MALRD1: variants seen among roughly 807,000 people sequenced by gnomAD.
The protein encoded by MALRD1 is MAM and LDL-receptor class A domain-containing protein 1.
Under a neutral mutation model 242.1 loss-of-function variants are expected in MALRD1, and 247 were observed. That is an observed-to-expected ratio of 1.02 (90% CI 0.92 to 1.13). The LOEUF is 1.13. Ranked by LOEUF, MALRD1 falls within the 50% of genes most tolerant of loss-of-function variation. MALRD1 has a pLI of 0.00. For synonymous variants in MALRD1, 995 were observed against 866.6 expected (o/e 1.15, Z -2.60); for missense variants, 2,989 against 2,533.1 (o/e 1.18, Z -3.86).
chr10:19,329,528 T>C (rs1185288032), intron 23 of MALRD1, among the ~76,000 whole-genome samples: 1 of 152,166 alleles, frequency 6.6e-6, no homozygotes, highest in African/African-American at 2.4e-5. Context: ...AAATATTTAC[T>C]CATTTTGCTT....
intron 33 of MALRD1, among the ~76,000 whole-genome samples, chr10:19,591,184 A>C (rs1454003222): frequency 6.6e-6 from 1 of 152,290 alleles, no homozygotes; most frequent in South Asian, 2.1e-4. Flanking sequence ...GGCTTCTTTC[A>C]CTTAGTAACC....
chr10:19,080,466 C>G (rs1835450853), intron 2 of MALRD1, among the ~76,000 whole-genome samples: 1 of 151,872 alleles, frequency 6.6e-6, no homozygotes, highest in Non-Finnish European at 1.5e-5. Flanking sequence ...TAAGACCCCA[C>G]ATCTACAACC....
At chr10:19,697,820 T>C (rs1185523730) in intron 38 of MALRD1, among the ~76,000 whole-genome samples, 1 of 152,150 alleles carries the variant, frequency 6.6e-6, no homozygotes, top group African/African-American at 2.4e-5. Flanking sequence ...CTACTCCTAT[T>C]TACCCTTTCC....
intron 13 of MALRD1, among the ~76,000 whole-genome samples, chr10:19,172,063 T>A (rs1340241929): frequency 1.2e-5 from 1 of 81,188 alleles, no homozygotes. Flanking sequence ...ATCACATATA[T>A]GTGATATATA....
intron 21 of MALRD1, among the ~76,000 whole-genome samples, chr10:19,298,222 A>G (rs554895940): frequency 6.6e-6 from 1 of 152,038 alleles, no homozygotes; most frequent in South Asian, 2.1e-4. Context: ...CTTGCTTCAT[A>G]ACGACCCACT....
At chr10:19,442,965 G>T (rs542101933) in intron 28 of MALRD1, among the ~76,000 whole-genome samples, 1 of 152,128 alleles carries the variant, frequency 6.6e-6, no homozygotes, top group East Asian at 1.9e-4. Flanking sequence ...TTTTTTGGTT[G>T]GTAAGCTATT....
intron 13 of MALRD1, among the ~76,000 whole-genome samples, chr10:19,167,130 C>T (rs546147326): frequency 7.9e-5 from 12 of 152,102 alleles, no homozygotes; most frequent in Admixed American, 1.3e-4. Flanking sequence ...GAGGCTGAGG[C>T]GGGTGGATCA....
intron 32 of MALRD1, among the ~76,000 whole-genome samples, chr10:19,542,620 A>G (rs893081338): frequency 6.6e-6 from 1 of 152,032 alleles, no homozygotes; most frequent in Non-Finnish European, 1.5e-5. Context: ...TGCCTCCACT[A>G]TCACATGTTA....
intron 5 of MALRD1, among the ~76,000 whole-genome samples, chr10:19,112,151 T>C (rs909864991): frequency 2.9e-5 from 1 of 34,036 alleles, no homozygotes; most frequent in Non-Finnish European, 5.9e-5. Flanking sequence ...ATTCTCAGGA[T>C]TTTTTTTTTT....
At chr10:19,292,168 T>C (rs1450437487) in intron 21 of MALRD1, among the ~76,000 whole-genome samples, 1 of 151,878 alleles carries the variant, frequency 6.6e-6, no homozygotes, top group Non-Finnish European at 1.5e-5. Flanking sequence ...AACTCTACCC[T>C]GAGTCAGTCT....
At chr10:19,220,470 G>T (rs558524375) in intron 18 of MALRD1, among the ~76,000 whole-genome samples, 1 of 152,182 alleles carries the variant, frequency 6.6e-6, no homozygotes, top group South Asian at 2.1e-4. Context: ...GAACGTCCAG[G>T]TATATAAAGA....
chr10:19,339,870 G>A (rs1466926787), intron 24 of MALRD1, among the ~76,000 whole-genome samples: 1 of 152,138 alleles, frequency 6.6e-6, no homozygotes. Flanking sequence ...CTGACTTACA[G>A]TTCCACATGG....
intron 19 of MALRD1, among the ~76,000 whole-genome samples, chr10:19,278,169 A>G (rs1310401879): frequency 6.6e-6 from 1 of 152,118 alleles, no homozygotes; most frequent in East Asian, 1.9e-4. Flanking sequence ...AGATATTATC[A>G]TGTTAAATTC....
intron 29 of MALRD1, among the ~76,000 whole-genome samples, chr10:19,469,259 C>T (rs1836376194): frequency 6.6e-6 from 1 of 152,014 alleles, no homozygotes; most frequent in Admixed American, 6.6e-5. Flanking sequence ...AGCATATTAC[C>T]TGTCTTTGGG....
intron 31 of MALRD1, among the ~76,000 whole-genome samples, chr10:19,519,819 A>G (rs1027366827): frequency 1.3e-5 from 2 of 152,210 alleles, no homozygotes; most frequent in African/African-American, 4.8e-5. Flanking sequence ...TATTTGTTCA[A>G]TGATTAAGTA....
intron 32 of MALRD1, among the ~76,000 whole-genome samples, chr10:19,538,762 G>A (rs575541075): frequency 5.3e-5 from 8 of 151,250 alleles, no homozygotes; most frequent in Admixed American, 3.3e-4. Flanking sequence ...TAATATTTTT[G>A]TAATTTATAT....
intron 38 of MALRD1, chr10:19,716,717 T>A (rs1181100719): frequency 6.6e-6 from 1 of 152,214 alleles, no homozygotes; most frequent in African/African-American, 2.4e-5. Flanking sequence ...TAATGCAGAA[T>A]CTGAAACCAC....
At chr10:19,615,778 A>G in intron 35 of MALRD1, 79 bp from the exon 36 acceptor site, 1 of 1,132,976 alleles carries the variant, frequency 8.8e-7, no homozygotes, top group Non-Finnish European at 1.2e-6. Flanking sequence ...GATTTAATGT[A>G]ATGACAAATA....
chr10:19,499,452 A>T (rs1407462513), intron 31 of MALRD1, among the ~76,000 whole-genome samples: 1 of 151,916 alleles, frequency 6.6e-6, no homozygotes, highest in East Asian at 1.9e-4. Flanking sequence ...ATAGAAAAAA[A>T]AAAAAAAAAA....
Sources: allele counts gnomAD v4.1 joint callset (sites outside exome capture counted in the v4.1 genomes callset), GRCh38; gene constraint gnomAD v4.1.1; transcripts MANE v1.5; gene names NCBI Gene and HGNC (gene_info 2026-07-23, HGNC 2026-07-21).